The following VAV2 variants were observed in gnomAD, a reference collection of about 807,000 sequenced individuals.
The protein encoded by VAV2 is vav guanine nucleotide exchange factor 2, also known as guanine nucleotide exchange factor VAV2.
A neutral mutation model predicts 132.5 loss-of-function variants in VAV2; 67 were observed. That is an observed-to-expected ratio of 0.51 (90% CI 0.42 to 0.62). The LOEUF (loss-of-function observed/expected upper bound fraction) is 0.62, where lower values mean the gene tolerates loss of function less well. Ranked by LOEUF, VAV2 falls within the 20% of genes least tolerant of loss-of-function variation. The pLI is 0.00. For missense variants in VAV2, 938 were observed against 1,153.6 expected (o/e 0.81, Z 2.71); for synonymous variants, 492 against 443.5 (o/e 1.11, Z -1.37).
At chr9:133,909,837 A>C (rs1469177399) in intron 2 of VAV2, among the ~76,000 whole-genome samples, 1 of 152,202 alleles carries the variant, frequency 6.6e-6, no homozygotes, top group East Asian at 1.9e-4. Flanking sequence ...CACATGCATT[A>C]ACTTCAGATT....
intron 1 of VAV2, among the ~76,000 whole-genome samples, chr9:133,944,744 T>C (rs1841298183): frequency 6.6e-6 from 1 of 152,236 alleles, no homozygotes; most frequent in Non-Finnish European, 1.5e-5. Flanking sequence ...GCACAAGGCC[T>C]GCGTCGTCAA....
chr9:133,881,538 G>C (rs533332460), intron 2 of VAV2, among the ~76,000 whole-genome samples: 1 of 152,148 alleles, frequency 6.6e-6, no homozygotes, highest in Non-Finnish European at 1.5e-5. Context: ...AGGAACTGAC[G>C]AGGAACACAG....
chr9:133,862,564 G>C (rs535217776), intron 2 of VAV2, among the ~76,000 whole-genome samples: 3 of 152,228 alleles, frequency 2.0e-5, no homozygotes, highest in South Asian at 4.1e-4. Context: ...GCACGGCTGC[G>C]CAGCTGTATG....
chr9:133,992,039 G>A lies in VAV2; in HGVS notation c.204+36C>T. The A allele has an allele frequency of 2.7e-6, 4 of 1,468,332 alleles. No individual in the cohort carries two copies. The highest frequency in any genetic ancestry group is 1.3e-5 in the South Asian group (1 of 77,214). 91.0% of individuals were successfully genotyped at this position (1,468,332 alleles called of 1,614,324 possible). A position where few individuals can be genotyped will look rare whatever the true frequency, so the allele number is the denominator to read the frequency against. On this transcript the variant is annotated intron_variant, in intron 1 of 29. Transcript: ENST00000371850. This position sits in a 1 kb window ranked among gnomAD's most constrained non-coding sequence, Gnocchi z 5.5. ...CCGCGCGTCGGGCAGCGCGAACGCCGCCTCCCCGGGGCCCTCCCGCCCGCC... is the reference window on the plus strand; with the variant it reads ...CCGCGCGTCGGGCAGCGCGAACGCCACCTCCCCGGGGCCCTCCCGCCCGCC...
chr9:133,889,202 C>T (rs1047942410), intron 2 of VAV2, among the ~76,000 whole-genome samples: 6 of 152,138 alleles, frequency 3.9e-5, no homozygotes. Flanking sequence ...GACAAGCTGA[C>T]CCCCAGGTCT....
chr9:133,975,207 C>A (rs1190723831), intron 1 of VAV2, among the ~76,000 whole-genome samples: 1 of 152,022 alleles, frequency 6.6e-6, no homozygotes, highest in Admixed American at 6.5e-5. Context: ...CCTGCCCCGG[C>A]ACCCCCGCCA....
chr9:133,892,208 G>A (rs1839005790), intron 2 of VAV2, among the ~76,000 whole-genome samples: 1 of 145,650 alleles, frequency 6.9e-6, no homozygotes, highest in Non-Finnish European at 1.5e-5. Context: ...GGGAGATGAG[G>A]GGAGGGGTGG....
At chr9:133,847,666 G>A (rs961526543) in intron 3 of VAV2, among the ~76,000 whole-genome samples, 1 of 152,132 alleles carries the variant, frequency 6.6e-6, no homozygotes, top group Non-Finnish European at 1.5e-5. Flanking sequence ...CCAGCCCCAC[G>A]CTGCCCAACG....
At chr9:133,976,730 C>T (rs775229201) in intron 1 of VAV2, among the ~76,000 whole-genome samples, 4 of 152,362 alleles carry the variant, frequency 2.6e-5, no homozygotes, top group East Asian at 3.9e-4. Flanking sequence ...AAGAGAATCA[C>T]GTGGGACTTG....
intron 1 of VAV2, among the ~76,000 whole-genome samples, chr9:133,944,413 C>CA (rs1841287209): frequency 6.6e-6 from 1 of 152,244 alleles, no homozygotes; most frequent in Non-Finnish European, 1.5e-5. Flanking sequence ...ACATAGCCAG[C>CA]AGGCCTCAGC....
intron 19 of VAV2, among the ~76,000 whole-genome samples, chr9:133,782,083 A>G (rs1368035252): frequency 6.7e-6 from 1 of 150,168 alleles, no homozygotes; most frequent in Non-Finnish European, 1.5e-5. Flanking sequence ...ACGGAAAATC[A>G]GTAATTAATA....
chr9:133,778,100 G>T (rs1391809830), intron 22 of VAV2, among the ~76,000 whole-genome samples: 1 of 152,100 alleles, frequency 6.6e-6, no homozygotes, highest in African/African-American at 2.4e-5. Flanking sequence ...ACGACATGGG[G>T]TCTCAGCGTG....
chr9:133,980,406 C>T (rs181271460), intron 1 of VAV2, among the ~76,000 whole-genome samples: 3 of 152,162 alleles, frequency 2.0e-5, no homozygotes, highest in Admixed American at 2.0e-4. Context: ...CAGTGCTGGG[C>T]GGTCCTGAAA....
intron 2 of VAV2, among the ~76,000 whole-genome samples, chr9:133,932,763 G>C (rs185193935): frequency 2.6e-5 from 4 of 152,324 alleles, no homozygotes; most frequent in Admixed American, 6.5e-5. Flanking sequence ...GCTCCACCGA[G>C]CCTGGATGAG....
At chr9:133,921,882 G>A (rs1207972172) in intron 2 of VAV2, among the ~76,000 whole-genome samples, 3 of 152,272 alleles carry the variant, frequency 2.0e-5, no homozygotes, top group African/African-American at 4.8e-5. Flanking sequence ...TGCTGGATGC[G>A]AGTGTGGTTC....
chr9:133,807,551 G>C (rs1335999941), intron 7 of VAV2, among the ~76,000 whole-genome samples: 1 of 152,226 alleles, frequency 6.6e-6, no homozygotes, highest in Non-Finnish European at 1.5e-5. Context: ...GCGTGACGGG[G>C]GCAGAGTCCT....
At chr9:133,922,154 G>A (rs1208885903) in intron 2 of VAV2, among the ~76,000 whole-genome samples, 2 of 152,244 alleles carry the variant, frequency 1.3e-5, no homozygotes, top group Admixed American at 1.3e-4. Context: ...CTCCAGCCCA[G>A]TCTTGGGAGG....
intron 2 of VAV2, among the ~76,000 whole-genome samples, chr9:133,898,929 C>T (rs868670585): frequency 4.0e-4 from 61 of 151,312 alleles, no homozygotes; most frequent in Non-Finnish European, 1.6e-4. Flanking sequence ...TCTCACCATT[C>T]TCCTGCCTCA....
Position 133,824,286 on chromosome 9 carries a change from G to T in VAV2, c.449+9986C>A, listed in dbSNP as rs1588227877. On this transcript the variant is annotated intron_variant, in intron 4 of 29. Transcript: ENST00000371850. This position sits in a 1 kb window ranked among gnomAD's most constrained non-coding sequence, Gnocchi z 5.2. Reference sequence around the variant, plus strand: ...GACTGGGCTTGTCTAGACCACAGGAGCGAGAAAGGCTGGACTGCCTACAGA... The same window carrying T: ...GACTGGGCTTGTCTAGACCACAGGATCGAGAAAGGCTGGACTGCCTACAGA... 6.6e-6 allele frequency among the ~76,000 whole-genome samples: 1 copy of T among 152,148 alleles called. No individual in the cohort carries two copies. The highest frequency in any genetic ancestry group is 1.9e-4 in the East Asian group (1 of 5,194).
Sources: gnomAD v4.1 joint callset for allele counts (sites outside exome capture counted in the v4.1 genomes callset) on GRCh38, gnomAD v4.1.1 for gene constraint, Gnocchi (gnomAD v3.1) non-coding constraint, MANE v1.5 for transcripts, NCBI Gene and HGNC (gene_info 2026-07-23, HGNC 2026-07-21) for gene names.